Variants in C2orf69 observed in about 807,000 individuals in gnomAD.
The protein encoded by C2orf69 is chromosome 2 open reading frame 69.
Under a neutral mutation model 29.5 loss-of-function variants are expected in C2orf69, and 19 were observed. That is an observed-to-expected ratio of 0.65 (90% CI 0.45 to 0.95). The LOEUF (loss-of-function observed/expected upper bound fraction) is 0.95, where lower values mean the gene tolerates loss of function less well. Ranked by LOEUF, C2orf69 falls within the 40% of genes least tolerant of loss-of-function variation. The probability of loss-of-function intolerance (pLI) is 0.00; values close to 1 mark genes in which losing one functional copy is unlikely to be tolerated. For synonymous variants in C2orf69, 194 were observed against 180.0 expected (o/e 1.08, Z -0.62); for missense variants, 416 against 482.1 (o/e 0.86, Z 1.28).
At chr2:199,920,088 T>C (rs72926384) in intron 1 of C2orf69, among the ~76,000 whole-genome samples, 2,649 of 152,264 alleles carry the variant, frequency 0.017, 60 homozygotes, top group Admixed American at 0.064. Flanking sequence ...TTACCTCTTA[T>C]GGGGATAGTA....
intron 1 of C2orf69, among the ~76,000 whole-genome samples, chr2:199,913,127 T>C (rs1317527169): frequency 2.1e-5 from 2 of 94,332 alleles, no homozygotes; most frequent in Non-Finnish European, 4.1e-5. Flanking sequence ...AAACCAGTTA[T>C]TTTGAGGGCA....
At position 199,925,323 on chromosome 2, in the gene C2orf69, C is replaced by A; in HGVS notation, c.595C>A (p.Gln199Lys). 1 of 1,612,718 alleles carries A rather than the reference C, an allele frequency of 6.2e-7. No individual in the cohort carries two copies. Among genetic ancestry groups the A allele is most frequent in the South Asian group, 1.1e-5 (1 of 91,020 alleles). Residue 199 changes from glutamine (Q) to lysine (K), a missense_variant, in exon 2 of 2, where the codon CAG becomes AAG. This residue lies in a region of C2orf69 where 225 missense variants were observed against 307.3 expected (regional missense o/e 0.73). Coordinates refer to ENST00000319974, the MANE Select transcript of C2orf69 (RefSeq NM_153689.6). The surrounding 1 kb of genome is among the most constrained non-coding windows in gnomAD (Gnocchi z 4.9). The part of the protein sequence containing the change: ...MLLVNAFNLS[Q>K]NSLSKKSLNV... ...ATTAGTTAATGCTTTTAATTTAAGT[C>A]AGAATAGTTTATCAAAGAAAAGTTT...
chr2:199,913,160 TTA>T (rs1327866978), intron 1 of C2orf69, among the ~76,000 whole-genome samples: 4 of 118,656 alleles, frequency 3.4e-5, no homozygotes, highest in Admixed American at 1.2e-4. Context: ...ATATATTATT[TTA>T]TATATATATT....
Position 199,925,788 on chromosome 2 carries a change from A to G in C2orf69, c.1060A>G (p.Ile354Val). Residue 354 changes from isoleucine to valine, a missense_variant, in exon 2 of 2, where the codon ATA becomes GTA. Physicochemically the swap from Ile to Val is conservative, Grantham distance 29. Around this residue, in one of 4 missense-constraint regions of C2orf69, gnomAD observed 225 missense variants for 307.3 expected, o/e 0.73. Transcript: ENST00000319974. The surrounding 1 kb of genome is among the most constrained non-coding windows in gnomAD (Gnocchi z 4.9). ...AAAGGAGCACAAGAAATTTGTTCAG[A>G]TACTTGGGGATCTTGGTATGCAGGT... ...IGKEHKKFVQ[I>V]LGDLGMQVTS... is the part of the protein sequence containing the mutation. The G allele has an allele frequency of 6.2e-7, 1 of 1,613,896 alleles. No homozygotes were observed. Among genetic ancestry groups the G allele is most frequent in the Non-Finnish European group, 8.5e-7 (1 of 1,179,828 alleles).
rs944041654 is a variant in C2orf69 at position 199,926,870 on chromosome 2, A to G, written c.*984A>G. The G allele has an allele frequency of 6.6e-6, 1 of 152,594 alleles. No homozygotes were observed. Among genetic ancestry groups the G allele is most frequent in the African/African-American group, 2.4e-5 (1 of 41,440 alleles). 9.5% of individuals were successfully genotyped at this position (152,594 alleles called of 1,614,324 possible). A position where few individuals can be genotyped will look rare whatever the true frequency, so the allele number is the denominator to read the frequency against. ...TTATATCAGTCTTTTTGAAAGGATC[A>G]ACTTGGATAAAATAAATATATAATG... On this transcript the variant is annotated 3_prime_UTR_variant, in exon 2 of 2. Transcript: ENST00000319974.
Position 199,925,691 on chromosome 2 carries a change from A to G in C2orf69, c.963A>G (p.Ala321=). 1 of 1,613,970 alleles carries G rather than the reference A, an allele frequency of 6.2e-7. No individual in the cohort carries two copies. Among genetic ancestry groups the G allele is most frequent in the Non-Finnish European group, 8.5e-7 (1 of 1,179,832 alleles). The change falls in exon 2 of 2, where the codon GCA becomes GCG. Residue 321 remains alanine (A), a synonymous_variant. Transcript: ENST00000319974. The surrounding 1 kb of genome is among the most constrained non-coding windows in gnomAD (Gnocchi z 4.9). ...VTYPEVLKEF[A]QTGIIVHTHV... Reference sequence around the variant, plus strand: ...ATCCAGAAGTCTTGAAAGAATTTGCACAAACAGGAATTATCGTTCACACTC... The same window carrying G: ...ATCCAGAAGTCTTGAAAGAATTTGCGCAAACAGGAATTATCGTTCACACTC...
In C2orf69 at chr2:199,911,459, G is replaced by C; in HGVS notation, c.21G>C (p.Leu7=). 1 of 1,544,032 alleles carries C rather than the reference G, an allele frequency of 6.5e-7. No individual in the cohort carries two copies. Among genetic ancestry groups the C allele is most frequent in the South Asian group, 1.2e-5 (1 of 83,586 alleles). ...GACCCATGTGGGGGTTCAGGCTCCT[G>C]CGGTCGCCGCCGTTGCTGCTCCTGC... MWGFRL[L]RSPPLLLLLP... is the part of the protein sequence containing the mutation. The change falls in exon 1 of 2, where the codon CTG becomes CTC. Residue 7 remains leucine, a synonymous_variant. Transcript: ENST00000319974.
intron 1 of C2orf69, among the ~76,000 whole-genome samples, chr2:199,919,369 G>A (rs2077305381): frequency 6.6e-6 from 1 of 152,158 alleles, no homozygotes; most frequent in South Asian, 2.1e-4. Context: ...CTCTTTAAAA[G>A]TTTTGCTTTC....
At chr2:199,921,838 A>G (rs1033012001) in intron 1 of C2orf69, among the ~76,000 whole-genome samples, 3 of 151,654 alleles carry the variant, frequency 2.0e-5, no homozygotes, top group African/African-American at 7.3e-5. Flanking sequence ...GGTTATATGG[A>G]TGATTTTTCT....
At chr2:199,917,113 C>T (rs900392721) in intron 1 of C2orf69, among the ~76,000 whole-genome samples, 3 of 152,240 alleles carry the variant, frequency 2.0e-5, no homozygotes, top group African/African-American at 7.2e-5. Context: ...TGGGCTTGCA[C>T]ACTCTGAAGC....
chr2:199,919,557 CA>C (rs1214707324), intron 1 of C2orf69, among the ~76,000 whole-genome samples: 1 of 152,100 alleles, frequency 6.6e-6, no homozygotes, highest in Non-Finnish European at 1.5e-5. Flanking sequence ...TTATTTAGCT[CA>C]TGATTCTGGA....
chr2:199,913,172 T>A (rs1198153852), intron 1 of C2orf69, among the ~76,000 whole-genome samples: 3 of 117,330 alleles, frequency 2.6e-5, no homozygotes, highest in African/African-American at 6.6e-5. Flanking sequence ...ATATATATAT[T>A]ATATATAAAA....
At chr2:199,913,912 TTACA>T (rs2106636339) in intron 1 of C2orf69, among the ~76,000 whole-genome samples, 1 of 152,324 alleles carries the variant, frequency 6.6e-6, no homozygotes, top group Admixed American at 6.5e-5. Flanking sequence ...CTAAAAAGTC[TTACA>T]TACAGTTTGA....
intron 1 of C2orf69, among the ~76,000 whole-genome samples, chr2:199,916,893 G>A (rs746550047): frequency 6.6e-6 from 1 of 152,178 alleles, no homozygotes; most frequent in Non-Finnish European, 1.5e-5. Context: ...GGTTGATGGT[G>A]GCCCTTTTCT....
chr2:199,914,657 T>G (rs535894974), intron 1 of C2orf69, among the ~76,000 whole-genome samples: 15 of 152,262 alleles, frequency 9.9e-5, no homozygotes, highest in African/African-American at 3.4e-4. Flanking sequence ...CTGTTACCTA[T>G]CTGACTTGGT....
At chr2:199,914,338 G>A (rs1420982279) in intron 1 of C2orf69, among the ~76,000 whole-genome samples, 3 of 152,002 alleles carry the variant, frequency 2.0e-5, no homozygotes, top group African/African-American at 7.3e-5. Context: ...AAAATCTCTG[G>A]ATCTTTACCC....
intron 1 of C2orf69, among the ~76,000 whole-genome samples, chr2:199,917,486 C>T (rs537996686): frequency 2.6e-5 from 4 of 152,264 alleles, no homozygotes; most frequent in African/African-American, 7.2e-5. Flanking sequence ...TTCAAACCAT[C>T]CCTCTCAAGG....
chr2:199,914,712 G>C (rs970181868), intron 1 of C2orf69, among the ~76,000 whole-genome samples: 22 of 151,866 alleles, frequency 1.4e-4, no homozygotes, highest in Non-Finnish European at 2.8e-4. Context: ...GGCTTTCTTG[G>C]TGTTGCTCAA....
At chr2:199,918,654 G>T (rs1378769783) in intron 1 of C2orf69, among the ~76,000 whole-genome samples, 1 of 152,112 alleles carries the variant, frequency 6.6e-6, no homozygotes, top group Non-Finnish European at 1.5e-5. Context: ...GAGCCACTGT[G>T]CCCGGCCCTT....
Sources: gnomAD v4.1 joint callset for allele counts (sites outside exome capture counted in the v4.1 genomes callset) on GRCh38, gnomAD v4.1.1 for gene constraint, gnomAD v4.1.1 regional missense constraint, Gnocchi (gnomAD v3.1) non-coding constraint, MANE v1.5 for transcripts, NCBI Gene and HGNC (gene_info 2026-07-23, HGNC 2026-07-21) for gene names.